Variants in ABCA13 observed in about 807,000 individuals in gnomAD.
ABCA13 encodes the protein ATP binding cassette subfamily A member 13.
In ABCA13, 476 loss-of-function variants were observed where a neutral mutation model predicts 478.7. That is an observed-to-expected ratio of 0.99 (90% CI 0.92 to 1.07). ABCA13 has a LOEUF of 1.07. ABCA13 is among the 50% of genes least tolerant of loss of function. The probability of loss-of-function intolerance (pLI) is 0.00; values close to 1 mark genes in which losing one functional copy is unlikely to be tolerated. For missense variants in ABCA13, 6,060 were observed against 5,910.6 expected (o/e 1.03, Z -0.83); for synonymous variants, 2,252 against 2,158.9 (o/e 1.04, Z -1.20).
intron 24 of ABCA13, 145 bp downstream of exon 24, chr7:48,310,286 C>T (rs1323059466): frequency 1.1e-6 from 1 of 890,638 alleles, no homozygotes; most frequent in Non-Finnish European, 1.7e-6. Context: ...TCTGGTGTCA[C>T]CTGTTTGCTG....
rs993915120 is a variant in ABCA13, at chr7:48,293,165, C to T, written c.8956-2535C>T. 6.9e-5 allele frequency among the ~76,000 whole-genome samples: 10 copies of T among 145,332 alleles called. No individual in the cohort carries two copies. In the South Asian group the frequency reaches 2.2e-3, roughly 33 times the overall value. On this transcript the variant is annotated intron_variant, in intron 20 of 61. Transcript: ENST00000435803. The stretch of plus-strand genomic sequence containing the variant: ...CATGAGTGCTCTGATCATGGATTAA[C>T]GTTCATCATTTCCTGAGAAGTCTTC...
chr7:48,447,647 G>A (rs1041743641), intron 42 of ABCA13, among the ~76,000 whole-genome samples: 4 of 152,128 alleles, frequency 2.6e-5, no homozygotes, highest in African/African-American at 9.7e-5. Context: ...TTCTGAGGAG[G>A]GGAAGAATGG....
intron 59 of ABCA13, among the ~76,000 whole-genome samples, chr7:48,641,171 T>C (rs992209157): frequency 1.3e-5 from 2 of 152,180 alleles, no homozygotes; most frequent in African/African-American, 4.8e-5. Flanking sequence ...AAAATATACT[T>C]AAAGGGCTGC....
rs2129010300 is a variant in ABCA13, at chr7:48,239,254, C to G, written c.911C>G (p.Thr304Ser). 6.2e-7 allele frequency: 1 copy of G among 1,613,942 alleles called. No individual in the cohort carries two copies. The highest frequency in any genetic ancestry group is 8.5e-7 in the Non-Finnish European group (1 of 1,179,836). ...SAELKEIPTD[T>S]SLEKMVCSVL... ...TATTGTTGTCAGATTCCCACAGACA[C>G]TTCCTTGGAGAAGATGGTGTGTTCA... The change falls in exon 9 of 62, where the codon ACT (threonine) becomes AGT (serine). Residue 304 changes from threonine (T) to serine (S), a missense_variant. Physicochemically the swap from Thr to Ser is moderately conservative, Grantham distance 58. This residue lies in a region of ABCA13 where 4,423 missense variants were observed against 4,309.1 expected (regional missense o/e 1.03). Coordinates refer to ENST00000435803, the MANE Select transcript of ABCA13 (RefSeq NM_152701.5).
intron 47 of ABCA13, among the ~76,000 whole-genome samples, chr7:48,485,938 A>T (rs1829255670): frequency 6.6e-6 from 1 of 152,152 alleles, no homozygotes; most frequent in Non-Finnish European, 1.5e-5. Context: ...ATGTGTGAAG[A>T]TACTTTAAAA....
intron 41 of ABCA13, among the ~76,000 whole-genome samples, chr7:48,419,004 A>G (rs929680849): frequency 6.6e-6 from 1 of 152,238 alleles, no homozygotes; most frequent in Admixed American, 6.5e-5. Flanking sequence ...GGTGGAAGGC[A>G]AAGAGGGAGC....
At position 48,455,249 on chromosome 7, in the gene ABCA13, C is replaced by A; in HGVS notation, c.12778C>A (p.Pro4260Thr). The A allele has an allele frequency of 6.2e-7, 1 of 1,606,482 alleles. No individual in the cohort carries two copies. The highest frequency in any genetic ancestry group is 8.5e-7 in the Non-Finnish European group (1 of 1,176,792). The change falls in exon 43 of 62, where the codon CCT (proline) becomes ACT (threonine). Residue 4260 changes from proline to threonine, a missense_variant. Physicochemically the swap from Pro to Thr is conservative, Grantham distance 38 (BLOSUM62 -1). Transcript: ENST00000435803. ...ATEYPPLRLT[P>T]GHYQRAETYF... ...CGAGTACCCTCCCCTCAGACTCACA[C>A]CTGGACATTACCAGCGGGCCGAGAC...
Position 48,465,311 on chromosome 7 carries a change from A to C in ABCA13, c.12816-1645A>C, listed in dbSNP as rs75492382. On this transcript the variant is annotated intron_variant, in intron 43 of 61. Transcript: ENST00000435803. ...GTACGGTCACACTGAACAGTAGCCT[A>C]ATGAGAAGTTTCTTCTCATTCTGAG... Among the ~76,000 whole-genome samples, 692 of 152,312 alleles carry C rather than the reference A, an allele frequency of 4.5e-3. 1 individual carries two copies. The highest frequency in any genetic ancestry group is 0.016 in the African/African-American group (669 of 41,578).
chr7:48,263,631 C>T (rs1045721213), intron 15 of ABCA13, among the ~76,000 whole-genome samples: 1 of 151,314 alleles, frequency 6.6e-6, no homozygotes, highest in African/African-American at 2.4e-5. Context: ...TATTAGTACC[C>T]TTTTCTTCCT....
chr7:48,265,636 C>T (rs1392309219), intron 15 of ABCA13, among the ~76,000 whole-genome samples: 3 of 151,376 alleles, frequency 2.0e-5, no homozygotes, highest in Non-Finnish European at 4.4e-5. Context: ...CATCTTGTAT[C>T]ATGCAAACAT....
chr7:48,262,557 T>G (rs1272029059), intron 15 of ABCA13, among the ~76,000 whole-genome samples: 5 of 151,946 alleles, frequency 3.3e-5, no homozygotes, highest in African/African-American at 1.2e-4. Context: ...TTCTAACTCT[T>G]TCTCATCTGC....
intron 41 of ABCA13, among the ~76,000 whole-genome samples, chr7:48,426,243 T>C (rs1231916721): frequency 1.3e-5 from 2 of 152,226 alleles, no homozygotes; most frequent in Non-Finnish European, 2.9e-5. Flanking sequence ...CACATGAAGG[T>C]AGCTGCATCT....
At chr7:48,334,361 G>A (rs1805883069) in intron 27 of ABCA13, among the ~76,000 whole-genome samples, 1 of 148,462 alleles carries the variant, frequency 6.7e-6, no homozygotes, top group Non-Finnish European at 1.5e-5. Context: ...TTGAGATGGA[G>A]TCTTGCTCTG....
chr7:48,405,574 T>G (rs1392333324), intron 39 of ABCA13, among the ~76,000 whole-genome samples: 1 of 152,236 alleles, frequency 6.6e-6, no homozygotes, highest in Admixed American at 6.5e-5. Flanking sequence ...TGGGGACTGA[T>G]GCGGAAGATC....
intron 14 of ABCA13, 89 bp downstream of exon 14, chr7:48,248,533 T>C: frequency 9.4e-7 from 1 of 1,060,924 alleles, no homozygotes; most frequent in Non-Finnish European, 1.3e-6. Context: ...TAGATCAATA[T>C]GGTAGATTAT....
At chr7:48,402,499 A>G (rs1817742575) in intron 38 of ABCA13, among the ~76,000 whole-genome samples, 1 of 152,186 alleles carries the variant, frequency 6.6e-6, no homozygotes, top group Non-Finnish European at 1.5e-5. Flanking sequence ...AGGAGCATAA[A>G]TTATTACTAT....
rs763313649 is a variant in ABCA13, at chr7:48,245,859, T to C, written c.1492-4T>C. On this transcript the variant is annotated splice_polypyrimidine_tract_variant and splice_region_variant and intron_variant, in intron 12 of 61. Transcript: ENST00000435803. The stretch of plus-strand genomic sequence containing the variant: ...ACTCCTTCCCACTCTTATTAATCTT[T>C]TAGATGTTGGCGAAGAATGCTGTCT... 2 of 1,609,926 alleles carry C rather than the reference T, an allele frequency of 1.2e-6. No homozygotes were observed. The highest frequency in any genetic ancestry group is 1.7e-6 in the Non-Finnish European group (2 of 1,177,866).
chr7:48,483,076 G>A lies in ABCA13; in HGVS notation c.13095G>A (p.Arg4365=). Residue 4365 remains arginine, a splice_region_variant and synonymous_variant, in exon 47 of 62, where the codon AGG becomes AGA. Coordinates refer to ENST00000435803, the MANE Select transcript of ABCA13 (RefSeq NM_152701.5). ...EYLLAPSEKP[R]LGGWSFGLKI... ...CTAACACAATGTTCATTGTTAACAG[G>A]CTTGGAGGTTGGTCTTTTGGATTAA... 6.2e-7 allele frequency: 1 copy of A among 1,609,898 alleles called. No homozygotes were observed. The highest frequency in any genetic ancestry group is 8.5e-7 in the Non-Finnish European group (1 of 1,178,030).
intron 41 of ABCA13, among the ~76,000 whole-genome samples, chr7:48,417,669 A>G (rs1306811411): frequency 1.3e-5 from 2 of 152,102 alleles, no homozygotes; most frequent in African/African-American, 2.4e-5. Context: ...GTTACAATTG[A>G]TGAACCGACA....
Sources: allele counts gnomAD v4.1 joint callset (sites outside exome capture counted in the v4.1 genomes callset), GRCh38; gene constraint gnomAD v4.1.1; regional missense constraint gnomAD v4.1.1; transcripts MANE v1.5; gene names NCBI Gene and HGNC (gene_info 2026-07-23, HGNC 2026-07-21).